UBAC2: variants seen among roughly 807,000 people sequenced by gnomAD.
The protein encoded by UBAC2 is ubiquitin-associated domain-containing protein 2.
Under a neutral mutation model 44.0 loss-of-function variants are expected in UBAC2, and 26 were observed. The observed-to-expected ratio is 0.59, with a 90% CI of 0.43 to 0.82. The LOEUF (loss-of-function observed/expected upper bound fraction) is 0.82, where lower values mean the gene tolerates loss of function less well. Ranked by LOEUF, UBAC2 falls within the 40% of genes least tolerant of loss-of-function variation. The probability of loss-of-function intolerance (pLI) is 0.00; values close to 1 mark genes in which losing one functional copy is unlikely to be tolerated. For missense variants in UBAC2, 329 were observed against 419.4 expected, an observed-to-expected ratio of 0.78 and a Z score of 1.88; for synonymous variants, 155 against 154.3, an observed-to-expected ratio of 1.00 and a Z score of -0.04.
At chr13:99,216,353 C>T (rs999877114) in intron 1 of UBAC2, among the ~76,000 whole-genome samples, 2 of 152,170 alleles carry the variant, frequency 1.3e-5, no homozygotes, top group African/African-American at 4.8e-5. Context: ...GATCCGCTCA[C>T]CTTGGCCTCC....
intron 4 of UBAC2, among the ~76,000 whole-genome samples, chr13:99,267,966 G>A (rs1204273465): frequency 6.6e-6 from 1 of 152,186 alleles, no homozygotes; most frequent in African/African-American, 2.4e-5. Flanking sequence ...GTCTGGTGGA[G>A]CACCTCTGCT....
rs181834148 is a variant in UBAC2 at position 99,264,026 on chromosome 13, C to T, written c.389+19402C>T. ...ATGTGTAATAATAAGGAAGGGTCCC[C>T]CATCATCTGTATGGCAGGATCCTGG... On this transcript the variant is annotated intron_variant, in intron 4 of 8. Coordinates refer to ENST00000403766, the MANE Select transcript of UBAC2 (RefSeq NM_001144072.2). Among the ~76,000 whole-genome samples the T allele has an allele frequency of 1.8e-3, 274 of 152,234 alleles. 1 individual carries two copies. Among genetic ancestry groups the T allele is most frequent in the Non-Finnish European group, 2.8e-3 (192 of 68,000 alleles).
chr13:99,345,466 C>T (rs952949525), intron 7 of UBAC2, among the ~76,000 whole-genome samples: 5 of 150,872 alleles, frequency 3.3e-5, no homozygotes, highest in African/African-American at 1.2e-4. Flanking sequence ...TACTCTGGAT[C>T]GAGCTCTCCT....
intron 1 of UBAC2, among the ~76,000 whole-genome samples, chr13:99,219,917 T>C (rs1334520061): frequency 6.6e-6 from 1 of 152,248 alleles, no homozygotes; most frequent in African/African-American, 2.4e-5. Flanking sequence ...TATGACTGAA[T>C]AATATTCTAT....
intron 4 of UBAC2, chr13:99,255,078 A>T (rs773906701): frequency 1.2e-6 from 2 of 1,614,068 alleles, no homozygotes. Context: ...CTCCCCAGGG[A>T]TTGTAACTGT....
intron 1 of UBAC2, among the ~76,000 whole-genome samples, chr13:99,225,204 G>A (rs2043097727): frequency 6.6e-6 from 1 of 152,126 alleles, no homozygotes. Context: ...GTATAGTCCA[G>A]TAGTATTAAG....
At chr13:99,340,284 A>G (rs1445387274) in intron 6 of UBAC2, 36 bp from the exon 7 acceptor site, 2 of 1,605,624 alleles carry the variant, frequency 1.2e-6, no homozygotes, top group South Asian at 2.2e-5. Context: ...AAATAATACT[A>G]CATTTAAACA....
chr13:99,232,783 A>G (rs1024476679), intron 1 of UBAC2, among the ~76,000 whole-genome samples: 17 of 150,902 alleles, frequency 1.1e-4, no homozygotes, highest in Admixed American at 9.2e-4. Context: ...AAAAACAACG[A>G]AAAAAAAACC....
intron 7 of UBAC2, among the ~76,000 whole-genome samples, chr13:99,348,445 G>C (rs1419588297): frequency 6.6e-6 from 1 of 152,178 alleles, no homozygotes; most frequent in African/African-American, 2.4e-5. Context: ...GTCACGGGGG[G>C]CCTTATGAAA....
At chr13:99,207,036 T>C (rs956949881) in intron 1 of UBAC2, among the ~76,000 whole-genome samples, 4 of 152,354 alleles carry the variant, frequency 2.6e-5, no homozygotes, top group African/African-American at 9.6e-5. Context: ...GCACCACTCT[T>C]GCTTTTTCTT....
chr13:99,320,587 TG>T (rs2044555080), intron 6 of UBAC2, among the ~76,000 whole-genome samples: 1 of 152,250 alleles, frequency 6.6e-6, no homozygotes, highest in Admixed American at 6.5e-5. Flanking sequence ...ATTAGATGAC[TG>T]TTTATTTAAA....
chr13:99,324,047 G>C (rs961903470), intron 6 of UBAC2, among the ~76,000 whole-genome samples: 8 of 152,232 alleles, frequency 5.3e-5, no homozygotes, highest in African/African-American at 1.7e-4. Context: ...TGTCACTTCT[G>C]TGAACCATAC....
At chr13:99,359,052 G>A (rs557374996) in intron 7 of UBAC2, among the ~76,000 whole-genome samples, 6 of 152,252 alleles carry the variant, frequency 3.9e-5, no homozygotes, top group African/African-American at 1.2e-4. Flanking sequence ...GAACCTTCAA[G>A]AACACCCGTG....
chr13:99,358,766 TC>T (rs2045224680), intron 7 of UBAC2, among the ~76,000 whole-genome samples: 1 of 151,810 alleles, frequency 6.6e-6, no homozygotes, highest in African/African-American at 2.4e-5. Context: ...AGCCTAGAGA[TC>T]TGGTTTATGC....
chr13:99,384,458 GAGAAAAGTAC>G (rs2045592169), intron 8 of UBAC2, among the ~76,000 whole-genome samples: 1 of 152,228 alleles, frequency 6.6e-6, no homozygotes, highest in Non-Finnish European at 1.5e-5. Context: ...ACTGCCTGTA[GAGAAAAGTAC>G]AGGAAATCTC....
chr13:99,212,872 A>G (rs1236978707), intron 1 of UBAC2, among the ~76,000 whole-genome samples: 2 of 152,212 alleles, frequency 1.3e-5, no homozygotes, highest in African/African-American at 2.4e-5. Context: ...GTAATCTTCA[A>G]AGCCAACTTT....
At chr13:99,328,092 T>C (rs1233427490) in intron 6 of UBAC2, among the ~76,000 whole-genome samples, 1 of 151,906 alleles carries the variant, frequency 6.6e-6, no homozygotes, top group Non-Finnish European at 1.5e-5. Context: ...ATACTTAGTA[T>C]TGTATAATAT....
chr13:99,366,358 T>C lies in UBAC2; in HGVS notation c.808-1429T>C, dbSNP rs181645747. On this transcript the variant is annotated intron_variant, in intron 7 of 8. Transcript: ENST00000403766. ...TTTGTGGTTTTGAATTCTGAGTTTT[T>C]CCCCACTGGAGCTTTAACTATAAAT... Among the ~76,000 whole-genome samples the C allele has an allele frequency of 2.6e-5, 4 of 152,290 alleles. No homozygotes were observed. The South Asian group carries it at 6.2e-4, about 24-fold the overall frequency.
intron 1 of UBAC2, among the ~76,000 whole-genome samples, chr13:99,228,643 A>G (rs1448171969): frequency 6.6e-6 from 1 of 152,144 alleles, no homozygotes; most frequent in Non-Finnish European, 1.5e-5. Context: ...CTTTTGAGGT[A>G]GGTTCTCATC....
Sources: allele counts gnomAD v4.1 joint callset (sites outside exome capture counted in the v4.1 genomes callset), GRCh38; gene constraint gnomAD v4.1.1; transcripts MANE v1.5; gene names NCBI Gene and HGNC (gene_info 2026-07-23, HGNC 2026-07-21).